TMEM131: variants seen among roughly 807,000 people sequenced by gnomAD.
TMEM131 encodes transmembrane protein 131.
In TMEM131, 66 loss-of-function variants were observed where a neutral mutation model predicts 211.6. That is an observed-to-expected ratio of 0.31 (90% CI 0.26 to 0.38). The LOEUF (loss-of-function observed/expected upper bound fraction) is 0.38. Among genes scored for constraint, TMEM131 ranks in the 10% least tolerant of loss-of-function variants. The probability of loss-of-function intolerance (pLI) is 1.00; values close to 1 mark genes in which losing one functional copy is unlikely to be tolerated. For synonymous variants in TMEM131, 844 were observed against 841.3 expected (o/e 1.00, Z -0.06); for missense variants, 2,036 against 2,299.3 (o/e 0.89, Z 2.34).
chr2:97,895,076 A>C (rs1182351695), intron 3 of TMEM131, among the ~76,000 whole-genome samples: 1 of 152,190 alleles, frequency 6.6e-6, no homozygotes, highest in African/African-American at 2.4e-5. Context: ...AGTTTTTAGC[A>C]TGAAGGGGTG....
intron 15 of TMEM131, among the ~76,000 whole-genome samples, 200 bp downstream of exon 15, chr2:97,813,771 A>C (rs539940402): frequency 1.3e-4 from 20 of 152,368 alleles, no homozygotes; most frequent in South Asian, 6.2e-4. Context: ...TAACTAGAGA[A>C]GTCAACTGTA....
chr2:97,848,369 TGGGA>T (rs982933825), intron 5 of TMEM131, among the ~76,000 whole-genome samples: 1 of 152,194 alleles, frequency 6.6e-6, no homozygotes, highest in Non-Finnish European at 1.5e-5. Flanking sequence ...TCAGTATCTG[TGGGA>T]TTGGCTCCAG....
rs770226804 is a variant in TMEM131, at chr2:97,844,184, T to C, written c.561A>G (p.Leu187=). ...ARVVGNVENT[L]FINTSNHGVF... ...CCCCATGATTAGATGTATTAATAAA[T>C]AAAGTATTTTCTACATTTCCTACTA... The change falls in exon 6 of 41, where the codon TTA becomes TTG. Residue 187 remains leucine (L), a synonymous_variant. Transcript: ENST00000186436. 2 of 1,290,606 alleles carry C rather than the reference T, an allele frequency of 1.5e-6. No homozygotes were observed. The highest frequency in any genetic ancestry group is 3.1e-5 in the Admixed American group (1 of 32,422). 79.9% of individuals were successfully genotyped at this position (1,290,606 alleles called of 1,614,324 possible). A position where few individuals can be genotyped will look rare whatever the true frequency, so the allele number is the denominator to read the frequency against.
Position 97,839,740 on chromosome 2 carries a change from T to C in TMEM131, c.723+2075A>G, listed in dbSNP as rs368553103. ...TGCAATAGCTATCAGCTACATGTGGTTATTTACATTTAAATTAGTTGAAAT... is the reference window on the plus strand; with the variant it reads ...TGCAATAGCTATCAGCTACATGTGGCTATTTACATTTAAATTAGTTGAAAT... On this transcript the variant is annotated intron_variant, in intron 7 of 40. Transcript: ENST00000186436. Among the ~76,000 whole-genome samples, 16 of 152,314 alleles carry C rather than the reference T, an allele frequency of 1.1e-4. 1 individual carries two copies. Among genetic ancestry groups the C allele is most frequent in the African/African-American group, 3.9e-4 (16 of 41,554 alleles).
Position 97,795,069 on chromosome 2 carries a change from A to C in TMEM131, c.3247T>G (p.Phe1083Val), listed in dbSNP as rs774591949. ...AACTCAGAGCCACTGGTTGTTATAA[A>C]CTTCAGTTCCCGAATAACTCTAGAA... is the stretch of plus-strand genomic sequence containing the variant. ...TASRVIRELK[F>V]ITTSGSEFVF... is the part of the protein sequence containing the mutation. The change falls in exon 29 of 41, where the codon TTT becomes GTT. Residue 1083 changes from phenylalanine to valine, a missense_variant. Coordinates refer to ENST00000186436, the MANE Select transcript of TMEM131 (RefSeq NM_015348.2). 1 of 1,613,898 alleles carries C rather than the reference A, an allele frequency of 6.2e-7. No homozygotes were observed. The highest frequency in any genetic ancestry group is 8.5e-7 in the Non-Finnish European group (1 of 1,179,818).
intron 4 of TMEM131, among the ~76,000 whole-genome samples, chr2:97,887,059 GTGACCCATGGGGC>G (rs894699961): frequency 1.3e-5 from 2 of 152,156 alleles, no homozygotes; most frequent in African/African-American, 4.8e-5. Flanking sequence ...TTGGCTTGGG[GTGACCCATGGGGC>G]TGTTTCTCAG....
Position 97,809,716 on chromosome 2 carries a change from T to C in TMEM131, c.2027A>G (p.Lys676Arg), listed in dbSNP as rs563716753. 1.2e-6 allele frequency: 2 copies of C among 1,611,084 alleles called. No homozygotes were observed. Among genetic ancestry groups the C allele is most frequent in the South Asian group, 1.1e-5 (1 of 89,988 alleles). ...IAVGSLTCFP[K>R]HVVLPPSFPG... The stretch of plus-strand genomic sequence containing the variant: ...AAAGGAAGGTGGAAGAACCACGTGC[T>C]TAGGGAAGCAGGTCAGTGAGCCTAC... Residue 676 changes from lysine to arginine, a missense_variant, in exon 19 of 41, where the codon AAG (lysine) becomes AGG (arginine). Physicochemically the swap from Lys to Arg is conservative, Grantham distance 26 (BLOSUM62 2). Around this residue, in one of 3 missense-constraint regions of TMEM131, gnomAD observed 1,623 missense variants for 1,805.9 expected, o/e 0.90. Transcript: ENST00000186436.
intron 1 of TMEM131, among the ~76,000 whole-genome samples, chr2:97,961,646 G>A (rs1327810729): frequency 6.6e-6 from 1 of 152,148 alleles, no homozygotes; most frequent in East Asian, 1.9e-4. Flanking sequence ...CTAAAAGACT[G>A]CCGTAACCAA....
At chr2:97,917,197 T>C (rs1399392450) in intron 2 of TMEM131, among the ~76,000 whole-genome samples, 1 of 152,228 alleles carries the variant, frequency 6.6e-6, no homozygotes, top group Non-Finnish European at 1.5e-5. Context: ...TCTCACATAC[T>C]GTTACGGCAG....
At chr2:97,841,328 T>C (rs546738915) in intron 7 of TMEM131, among the ~76,000 whole-genome samples, 49 of 152,340 alleles carry the variant, frequency 3.2e-4, no homozygotes, top group African/African-American at 1.1e-3. Flanking sequence ...GTAAGATAAG[T>C]TGAATTTTTT....
intron 4 of TMEM131, among the ~76,000 whole-genome samples, chr2:97,864,725 A>C (rs11894541): frequency 0.35 from 52,513 of 152,084 alleles, 9,976 homozygotes; most frequent in Middle Eastern, 0.49. Flanking sequence ...GGGAGAACTG[A>C]AGGCTGCCTT....
chr2:97,930,847 C>T lies in TMEM131; in HGVS notation c.188-3360G>A, dbSNP rs528945557. On this transcript the variant is annotated intron_variant, in intron 1 of 40. Coordinates refer to ENST00000186436, the MANE Select transcript of TMEM131 (RefSeq NM_015348.2). ...GAATCCCAAACTTTCCTGATGTTCC[C>T]TAGTTCAAGCATCAAACAACTGTAA... 5.3e-5 allele frequency among the ~76,000 whole-genome samples: 8 copies of T among 151,880 alleles called. No homozygotes were observed. The South Asian group carries it at 1.7e-3, about 31-fold the overall frequency.
At chr2:97,832,024 A>C (rs2105057299) in intron 11 of TMEM131, among the ~76,000 whole-genome samples, 2 of 150,732 alleles carry the variant, frequency 1.3e-5, no homozygotes, top group South Asian at 4.2e-4. Context: ...AAAAAAAAAA[A>C]AAGCAGCTCT....
chr2:97,908,476 T>G (rs1007986047), intron 3 of TMEM131, among the ~76,000 whole-genome samples, 182 bp downstream of exon 3: 2 of 152,174 alleles, frequency 1.3e-5, no homozygotes, highest in Non-Finnish European at 1.5e-5. Flanking sequence ...AATTGCATGA[T>G]GTGCACATTC....
At chr2:97,804,621 CAAA>C (rs71386034) in intron 22 of TMEM131, among the ~76,000 whole-genome samples, 4 of 71,918 alleles carry the variant, frequency 5.6e-5, no homozygotes, top group Admixed American at 1.5e-4. Context: ...GACTCCGTCT[CAAA>C]AAAAAAAAAA....
intron 11 of TMEM131, among the ~76,000 whole-genome samples, chr2:97,824,814 T>A (rs1682296400): frequency 6.6e-6 from 1 of 152,178 alleles, no homozygotes; most frequent in Admixed American, 6.5e-5. Context: ...ATTTAAAAGC[T>A]CAAAGCTTAG....
chr2:97,894,048 T>A (rs1487164403), intron 3 of TMEM131, among the ~76,000 whole-genome samples: 1 of 152,232 alleles, frequency 6.6e-6, no homozygotes, highest in East Asian at 1.9e-4. Flanking sequence ...CTTGAGATAA[T>A]TTTTGTATAA....
chr2:97,936,058 T>C (rs576621904), intron 1 of TMEM131, among the ~76,000 whole-genome samples: 1 of 152,166 alleles, frequency 6.6e-6, no homozygotes, highest in East Asian at 1.9e-4. Flanking sequence ...GTGTGGTGAG[T>C]CCCAGTGAGG....
chr2:97,824,764 A>T (rs1295964203), intron 11 of TMEM131, among the ~76,000 whole-genome samples: 1 of 152,224 alleles, frequency 6.6e-6, no homozygotes, highest in Non-Finnish European at 1.5e-5. Context: ...ATATCCCTTA[A>T]GGCCTGAAGC....
Sources: allele counts gnomAD v4.1 joint callset (sites outside exome capture counted in the v4.1 genomes callset), GRCh38; gene constraint gnomAD v4.1.1; regional missense constraint gnomAD v4.1.1; transcripts MANE v1.5; gene names NCBI Gene and HGNC (gene_info 2026-07-23, HGNC 2026-07-21).